Variants in DIP2B observed in about 807,000 individuals in gnomAD.
DIP2B encodes DIP2 acetate--CoA ligase B (putative), also known as disco-interacting protein 2 homolog B.
In DIP2B, 76 loss-of-function variants were observed where a neutral mutation model predicts 198.0. The ratio of observed to expected loss-of-function variants is 0.38; its 90% CI spans 0.32 to 0.46. The LOEUF is 0.46. DIP2B is among the 20% of genes least tolerant of loss of function. DIP2B has a pLI of 0.99. For missense variants in DIP2B, 1,559 were observed against 1,978.4 expected, an observed-to-expected ratio of 0.79 and a Z score of 4.02; for synonymous variants, 701 against 739.1, an observed-to-expected ratio of 0.95 and a Z score of 0.84.
chr12:50,600,940 T>TACCACCACCACC (rs1246327101), intron 1 of DIP2B, among the ~76,000 whole-genome samples: 3 of 47,186 alleles, frequency 6.4e-5, no homozygotes, highest in Admixed American at 2.4e-4. Flanking sequence ...CCACCACCAC[T>TACCACCACCACC]ACCACCACCA....
chr12:50,638,591 AG>A (rs1485434113), intron 2 of DIP2B, among the ~76,000 whole-genome samples: 1 of 152,158 alleles, frequency 6.6e-6, no homozygotes, highest in Non-Finnish European at 1.5e-5. Context: ...TTACCATGGC[AG>A]TGAAACTGTG....
chr12:50,556,549 A>G (rs940505962), intron 1 of DIP2B, among the ~76,000 whole-genome samples: 3 of 122,408 alleles, frequency 2.5e-5, no homozygotes, highest in Admixed American at 9.8e-5. Context: ...GACACTATGT[A>G]TTGTGAGACT....
chr12:50,637,053 A>G (rs1457710344), intron 2 of DIP2B, among the ~76,000 whole-genome samples: 1 of 152,026 alleles, frequency 6.6e-6, no homozygotes, highest in Non-Finnish European at 1.5e-5. Flanking sequence ...CCTCTCAATC[A>G]AGAGGCTAGA....
intron 1 of DIP2B, among the ~76,000 whole-genome samples, chr12:50,604,026 C>T (rs1426074279): frequency 6.6e-6 from 1 of 151,894 alleles, no homozygotes; most frequent in Non-Finnish European, 1.5e-5. Flanking sequence ...TACCAAATTC[C>T]TTTCTTGCAT....
rs756157880 is a variant in DIP2B at position 50,719,008 on chromosome 12, T to C, written c.3015T>C (p.His1005=). ...LQWRAQATPD[H]VLFMLLNAKG... ...GGCGAGCCCAGGCGACTCCTGACCA[T>C]GTACTCTTCATGCTGTTAAATGCCA... Residue 1005 remains histidine, a synonymous_variant, in exon 25 of 38, where the codon CAT becomes CAC. Coordinates refer to ENST00000301180, the MANE Select transcript of DIP2B (RefSeq NM_173602.3). 3 of 1,614,218 alleles carry C rather than the reference T, an allele frequency of 1.9e-6. No homozygotes were observed. In the South Asian group the frequency reaches 3.3e-5, roughly 18 times the overall value.
At chr12:50,562,746 A>G (rs147957454) in intron 1 of DIP2B, among the ~76,000 whole-genome samples, 1,597 of 152,102 alleles carry the variant, frequency 0.01, 31 homozygotes, top group African/African-American at 0.037. Context: ...GAAAAAAAAA[A>G]AAAAATTCTC....
intron 1 of DIP2B, among the ~76,000 whole-genome samples, chr12:50,518,222 A>G: frequency 1.1e-5 from 1 of 93,792 alleles, no homozygotes; most frequent in East Asian, 3.5e-4. Flanking sequence ...GTCTTGGGCA[A>G]CTTTTTTTTT....
At chr12:50,683,048 A>C in intron 9 of DIP2B, 90 bp from the exon 10 acceptor site, 2 of 1,091,340 alleles carry the variant, frequency 1.8e-6, no homozygotes, top group Non-Finnish European at 2.6e-6. Context: ...TATTGTGTTC[A>C]TGATAAATAT....
intron 10 of DIP2B, 105 bp from the exon 11 acceptor site, chr12:50,685,728 T>A: frequency 7.6e-7 from 1 of 1,314,952 alleles, no homozygotes; most frequent in Non-Finnish European, 1.0e-6. Context: ...TGGGGCTCCA[T>A]GAATGTTATC....
intron 23 of DIP2B, among the ~76,000 whole-genome samples, chr12:50,717,896 C>T (rs1454127057): frequency 3.4e-5 from 3 of 87,062 alleles, no homozygotes; most frequent in African/African-American, 9.2e-5. Flanking sequence ...CCATTATTCA[C>T]TTTTTTTTTT....
chr12:50,672,794 T>TACTTACATATGTAAA (rs1186981272), intron 5 of DIP2B, among the ~76,000 whole-genome samples: 1 of 152,260 alleles, frequency 6.6e-6, no homozygotes, highest in Non-Finnish European at 1.5e-5. Context: ...TTCTAGATTT[T>TACTTACATATGTAAA]ACTTACATAT....
intron 1 of DIP2B, among the ~76,000 whole-genome samples, chr12:50,518,311 G>A (rs1310830388): frequency 6.7e-6 from 1 of 150,288 alleles, no homozygotes; most frequent in East Asian, 2.0e-4. Context: ...TGCAAGCTCC[G>A]CCCCCTGGGT....
At chr12:50,506,760 A>G (rs1031467446) in intron 1 of DIP2B, among the ~76,000 whole-genome samples, 1 of 152,232 alleles carries the variant, frequency 6.6e-6, no homozygotes, top group African/African-American at 2.4e-5. Context: ...GTCTCTCAAG[A>G]TAACTCATTC....
At chr12:50,576,540 G>C (rs914049685) in intron 1 of DIP2B, among the ~76,000 whole-genome samples, 2 of 148,566 alleles carry the variant, frequency 1.3e-5, no homozygotes, top group Admixed American at 6.7e-5. Context: ...GTGCAGTGGC[G>C]CGATCTCGGC....
At chr12:50,730,409 G>A (rs1243226823) in intron 30 of DIP2B, among the ~76,000 whole-genome samples, 1 of 144,998 alleles carries the variant, frequency 6.9e-6, no homozygotes, top group African/African-American at 2.5e-5. Flanking sequence ...AAAGGAGACA[G>A]GGTCTCAATC....
In DIP2B at chr12:50,550,432, A is replaced by G. The variant is rs541410741; in HGVS notation, c.100+45192A>G. On this transcript the variant is annotated intron_variant, in intron 1 of 37. Coordinates refer to ENST00000301180, the MANE Select transcript of DIP2B (RefSeq NM_173602.3). ...GTTTGAGAGGCACCCAGTCTAAAAG[A>G]ACGATTAGACTCTAAGATATTCATA... 2.3e-3 allele frequency among the ~76,000 whole-genome samples: 355 copies of G among 152,282 alleles called. 1 individual carries two copies. Among genetic ancestry groups the G allele is most frequent in the African/African-American group, 7.6e-3 (316 of 41,562 alleles).
intron 1 of DIP2B, among the ~76,000 whole-genome samples, chr12:50,509,225 A>G (rs908839178): frequency 6.6e-6 from 1 of 152,190 alleles, no homozygotes; most frequent in Non-Finnish European, 1.5e-5. Flanking sequence ...GCTGCCTTCT[A>G]AGAAAAGAGG....
chr12:50,554,857 T>G (rs138333829), intron 1 of DIP2B, among the ~76,000 whole-genome samples: 1,583 of 147,078 alleles, frequency 0.011, 31 homozygotes, highest in African/African-American at 0.038. Flanking sequence ...AACCTCTGCC[T>G]CCCAGGTTCA....
chr12:50,610,598 C>T (rs993314603), intron 1 of DIP2B, among the ~76,000 whole-genome samples: 84 of 151,716 alleles, frequency 5.5e-4, no homozygotes, highest in Admixed American at 2.6e-3. Context: ...CTCCACCTCC[C>T]GGGTTCACGC....
Sources: allele counts gnomAD v4.1 joint callset (sites outside exome capture counted in the v4.1 genomes callset), GRCh38; gene constraint gnomAD v4.1.1; transcripts MANE v1.5; gene names NCBI Gene and HGNC (gene_info 2026-07-23, HGNC 2026-07-21).